Variants in CACNA1B observed in about 807,000 individuals in gnomAD.
The protein encoded by CACNA1B is voltage-dependent N-type calcium channel subunit alpha-1B.
Under a neutral mutation model 247.2 loss-of-function variants are expected in CACNA1B, and 70 were observed. That is an observed-to-expected ratio of 0.28 (90% confidence interval 0.23 to 0.35). The LOEUF (loss-of-function observed/expected upper bound fraction) is 0.35. Ranked by LOEUF, CACNA1B falls within the 10% of genes least tolerant of loss-of-function variation. The pLI is 1.00. For synonymous variants in CACNA1B, 1,231 were observed against 1,294.4 expected (o/e 0.95, Z 1.05); for missense variants, 2,367 against 3,197.4 (o/e 0.74, Z 6.26).
intron 44 of CACNA1B, among the ~76,000 whole-genome samples, chr9:138,119,212 C>CA (rs1961987631): frequency 6.6e-6 from 1 of 152,158 alleles, no homozygotes; most frequent in East Asian, 1.9e-4. Context: ...TGCTCATGGG[C>CA]AGTCCCTGGA....
At chr9:137,918,250 C>T (rs1344438732) in intron 6 of CACNA1B, among the ~76,000 whole-genome samples, 3 of 152,044 alleles carry the variant, frequency 2.0e-5, no homozygotes, top group Non-Finnish European at 4.4e-5. Context: ...CACGTTGCCT[C>T]TGCCTGGGTC....
chr9:138,120,607 T>C (rs1352619580), intron 45 of CACNA1B, 24 bp from the exon 46 acceptor site: 9 of 1,479,796 alleles, frequency 6.1e-6, no homozygotes. Flanking sequence ...CTGGCCGTGC[T>C]AACTTCTTCT....
Position 138,121,789 on chromosome 9 carries a change from C to T in CACNA1B, c.6810C>T (p.Val2270=). ...LGQRLDSEAS[V]HALPEDTLTF... is the part of the protein sequence containing the mutation. The stretch of plus-strand genomic sequence containing the variant: ...AGCGTCTGGACAGTGAGGCCTCTGT[C>T]CACGCCCTGCCTGAGGACACTCTCA... The change falls in exon 47 of 47, where the codon GTC becomes GTT. Residue 2270 remains valine, a synonymous_variant. Transcript: ENST00000371372. The surrounding 1 kb of genome is among the most constrained non-coding windows in gnomAD (Gnocchi z 6.8). The T allele has an allele frequency of 6.2e-7, 1 of 1,613,254 alleles. No individual in the cohort carries two copies. Among genetic ancestry groups the T allele is most frequent in the Non-Finnish European group, 8.5e-7 (1 of 1,179,824 alleles).
chr9:138,016,402 G>A (rs750437631), intron 18 of CACNA1B, among the ~76,000 whole-genome samples: 23 of 152,246 alleles, frequency 1.5e-4, no homozygotes, highest in Non-Finnish European at 3.2e-4. Flanking sequence ...GCCTTTGAAA[G>A]TCACTTGGAA....
At chr9:137,997,562 A>G (rs1958514819) in intron 15 of CACNA1B, among the ~76,000 whole-genome samples, 1 of 152,230 alleles carries the variant, frequency 6.6e-6, no homozygotes, top group South Asian at 2.1e-4. Context: ...CTCACAGGAG[A>G]AGAAACTATG....
intron 6 of CACNA1B, among the ~76,000 whole-genome samples, chr9:137,918,965 CCCACAAA>C (rs1957447706): frequency 6.6e-6 from 1 of 152,210 alleles, no homozygotes; most frequent in South Asian, 2.1e-4. Flanking sequence ...AGGAACAATT[CCCACAAA>C]GACAGACCCT....
At chr9:138,088,822 G>A (rs1383354030) in intron 36 of CACNA1B, among the ~76,000 whole-genome samples, 1 of 151,506 alleles carries the variant, frequency 6.6e-6, no homozygotes, top group African/African-American at 2.4e-5. Flanking sequence ...AGCCAGGCGT[G>A]GTGGTGCACG....
intron 6 of CACNA1B, among the ~76,000 whole-genome samples, chr9:137,944,981 A>C (rs73669805): frequency 0.011 from 1,668 of 152,246 alleles, 35 homozygotes; most frequent in African/African-American, 0.037. Flanking sequence ...CTTCCTTTTC[A>C]GGGCAGGTTC....
rs1203215907 is a variant in CACNA1B at position 137,931,562 on chromosome 9, TC to T, written c.966+14136del. ...CCAGACCCTATTCTCCTGCCTCATT[TC>T]CCCCGAGATGTGATCCCCATCATCT... On this transcript the variant is annotated intron_variant, in intron 6 of 46. Transcript: ENST00000371372. 1.2e-4 allele frequency among the ~76,000 whole-genome samples: 18 copies of T among 151,744 alleles called. No individual in the cohort carries two copies. In the South Asian group the frequency reaches 1.9e-3, roughly 16 times the overall value.
intron 35 of CACNA1B, among the ~76,000 whole-genome samples, chr9:138,077,398 T>C (rs944503013): frequency 6.6e-6 from 1 of 151,764 alleles, no homozygotes; most frequent in African/African-American, 2.4e-5. Flanking sequence ...GTGCTTGGAG[T>C]GGACTGAGCT....
chr9:137,891,737 G>T lies in CACNA1B; in HGVS notation c.530+8854G>T, dbSNP rs978028446. ...AGAAGAGGTGAGAAGGCAGGTGCTGGCTGTGGGGCTGTAGAGTGGAGGGGC... is the reference window on the plus strand; with the variant it reads ...AGAAGAGGTGAGAAGGCAGGTGCTGTCTGTGGGGCTGTAGAGTGGAGGGGC... On this transcript the variant is annotated intron_variant, in intron 3 of 46. Coordinates refer to ENST00000371372, the MANE Select transcript of CACNA1B (RefSeq NM_000718.4). This position sits in a 1 kb window ranked among gnomAD's most constrained non-coding sequence, Gnocchi z 4.3. The T allele has an allele frequency of 3.5e-6, 1 of 287,384 alleles. No homozygotes were observed. 17.8% of individuals were successfully genotyped at this position (287,384 alleles called of 1,614,324 possible). A position where few individuals can be genotyped will look rare whatever the true frequency, so the allele number is the denominator to read the frequency against.
At chr9:138,090,319 A>G (rs1236639478) in intron 36 of CACNA1B, among the ~76,000 whole-genome samples, 1 of 152,186 alleles carries the variant, frequency 6.6e-6, no homozygotes, top group Non-Finnish European at 1.5e-5. Flanking sequence ...CAGTCTCTTC[A>G]ATAAACGATG....
intron 3 of CACNA1B, among the ~76,000 whole-genome samples, chr9:137,905,065 C>A (rs1300036130): frequency 6.6e-6 from 1 of 152,026 alleles, no homozygotes; most frequent in Non-Finnish European, 1.5e-5. Flanking sequence ...TTTTTAAAAG[C>A]TTTTAGGGGC....
In CACNA1B at chr9:137,974,013, C is replaced by T. The variant is rs1414747339; in HGVS notation, c.1544-1894C>T. 3.3e-5 allele frequency among the ~76,000 whole-genome samples: 5 copies of T among 152,218 alleles called. No individual in the cohort carries two copies. On this transcript the variant is annotated intron_variant, in intron 11 of 46. Transcript: ENST00000371372. This position sits in a 1 kb window ranked among gnomAD's most constrained non-coding sequence, Gnocchi z 4.5. The stretch of plus-strand genomic sequence containing the variant: ...GTCCCATCTCTGGGGCCTCTCCTCC[C>T]TGGGTCCGAGCCCCTCGTGTGGGGA...
intron 10 of CACNA1B, among the ~76,000 whole-genome samples, chr9:137,965,642 A>C (rs1462801655): frequency 6.6e-6 from 1 of 152,102 alleles, no homozygotes; most frequent in Non-Finnish European, 1.5e-5. Flanking sequence ...CCTGTCGCCT[A>C]GGCTGGAATG....
At chr9:138,070,303 C>G (rs1467734106) in intron 32 of CACNA1B, among the ~76,000 whole-genome samples, 1 of 152,148 alleles carries the variant, frequency 6.6e-6, no homozygotes, top group Non-Finnish European at 1.5e-5. Context: ...GGGTTCAGGG[C>G]TCGGGGGCAG....
chr9:137,977,769 C>A (rs557223144), intron 12 of CACNA1B, among the ~76,000 whole-genome samples: 2 of 152,234 alleles, frequency 1.3e-5, no homozygotes, highest in East Asian at 3.9e-4. Flanking sequence ...GTCTTTGTAC[C>A]AGAGCACTTC....
Position 138,050,459 on chromosome 9 carries a change from C to A in CACNA1B, c.3710+1144C>A, listed in dbSNP as rs1959235555. 6.6e-6 allele frequency among the ~76,000 whole-genome samples: 1 copy of A among 152,244 alleles called. No individual in the cohort carries two copies. Among genetic ancestry groups the A allele is most frequent in the Non-Finnish European group, 1.5e-5 (1 of 68,040 alleles). On this transcript the variant is annotated intron_variant, in intron 24 of 46. Coordinates refer to ENST00000371372, the MANE Select transcript of CACNA1B (RefSeq NM_000718.4). This position sits in a 1 kb window ranked among gnomAD's most constrained non-coding sequence, Gnocchi z 5.2. ...GAGGCGCTCCCGGTGCAGCTCCTCTCTGGAAGAGCGGCATTCTTTCCTCTG... is the reference window on the plus strand; with the variant it reads ...GAGGCGCTCCCGGTGCAGCTCCTCTATGGAAGAGCGGCATTCTTTCCTCTG...
intron 36 of CACNA1B, among the ~76,000 whole-genome samples, chr9:138,083,793 C>T (rs1428820143): frequency 6.6e-6 from 1 of 150,394 alleles, no homozygotes; most frequent in African/African-American, 2.5e-5. Context: ...AGTTCCCTGC[C>T]TCCCCAGGGC....
Sources: gnomAD v4.1 joint callset for allele counts (sites outside exome capture counted in the v4.1 genomes callset) on GRCh38, gnomAD v4.1.1 for gene constraint, Gnocchi (gnomAD v3.1) non-coding constraint, MANE v1.5 for transcripts, NCBI Gene and HGNC (gene_info 2026-07-23, HGNC 2026-07-21) for gene names.